The following LARGE1 variants were observed in gnomAD, a reference collection of about 807,000 sequenced individuals.
The protein encoded by LARGE1 is xylosyl- and glucuronyltransferase LARGE1.
LARGE1 carries 43 observed loss-of-function variants against 87.6 expected under a neutral mutation model. That is an observed-to-expected ratio of 0.49 (90% CI 0.38 to 0.63). The LOEUF (loss-of-function observed/expected upper bound fraction) is 0.63, where lower values mean the gene tolerates loss of function less well. Among genes scored for constraint, LARGE1 ranks in the 30% least tolerant of loss-of-function variants. The pLI is 0.00. For missense variants in LARGE1, 802 were observed against 1,000.2 expected (o/e 0.80, Z 2.67); for synonymous variants, 434 against 394.6 (o/e 1.10, Z -1.18).
rs1936136149 is a variant in LARGE1 at position 33,316,184 on chromosome 22, A to C, written c.1352T>G (p.Phe451Cys). Residue 451 changes from phenylalanine (F) to cysteine (C), a missense_variant, in exon 11 of 15, where the codon TTC becomes TGC. Transcript: ENST00000397394. The stretch of plus-strand genomic sequence containing the variant: ...GTACAGGTGGGTGCGGTGGACAGTG[A>C]AGCGCTCTCGCCGGAACTCATAGCA... Reference protein sequence around the residue: ...DLCYEFRRERFTVHRTHLYFL... With the variant: ...DLCYEFRRERCTVHRTHLYFL... 6.2e-7 allele frequency: 1 copy of C among 1,614,076 alleles called. No individual in the cohort carries two copies. The highest frequency in any genetic ancestry group is 2.2e-5 in the East Asian group (1 of 44,866).
At chr22:33,534,366 T>C (rs1389840116) in intron 6 of LARGE1, among the ~76,000 whole-genome samples, 1 of 151,460 alleles carries the variant, frequency 6.6e-6, no homozygotes, top group African/African-American at 2.4e-5. Flanking sequence ...AACACGCCAC[T>C]GCACTCCAAC....
At chr22:33,555,785 C>T (rs898180130) in intron 6 of LARGE1, among the ~76,000 whole-genome samples, 7 of 151,916 alleles carry the variant, frequency 4.6e-5, no homozygotes, top group African/African-American at 1.7e-4. Flanking sequence ...AAAAAATTAG[C>T]CGGGTGTGGT....
chr22:33,492,168 G>C (rs2069877083), intron 6 of LARGE1, among the ~76,000 whole-genome samples: 1 of 152,176 alleles, frequency 6.6e-6, no homozygotes, highest in South Asian at 2.1e-4. Context: ...TGACAGATGA[G>C]CCAATGCATC....
chr22:33,123,625 A>G, the LARGE1 span, among the ~76,000 whole-genome samples: 1 of 152,252 alleles, frequency 6.6e-6, no homozygotes, highest in African/African-American at 2.4e-5. Context: ...AATGGGTAGT[A>G]GAATGACGAG....
At chr22:33,358,566 T>C (rs2064265026) in intron 9 of LARGE1, among the ~76,000 whole-genome samples, 1 of 152,196 alleles carries the variant, frequency 6.6e-6, no homozygotes, top group Non-Finnish European at 1.5e-5. Flanking sequence ...TAAGAAGATA[T>C]ATCATTTCCT....
At chr22:33,810,810 G>A (rs538146813) in intron 1 of LARGE1, among the ~76,000 whole-genome samples, 1 of 151,372 alleles carries the variant, frequency 6.6e-6, no homozygotes, top group Non-Finnish European at 1.5e-5. Flanking sequence ...TGCAACTTCC[G>A]CCTCCCGGGT....
intron 10 of LARGE1, among the ~76,000 whole-genome samples, chr22:33,333,530 G>T (rs1468973682): frequency 1.3e-5 from 2 of 152,100 alleles, no homozygotes; most frequent in Non-Finnish European, 2.9e-5. Context: ...CCTGTGCTCT[G>T]GTACATGAAC....
At chr22:33,764,933 A>G (rs956995977) in intron 1 of LARGE1, among the ~76,000 whole-genome samples, 1 of 152,202 alleles carries the variant, frequency 6.6e-6, no homozygotes, top group African/African-American at 2.4e-5. Flanking sequence ...AGTTGGTTGA[A>G]TCTGTGAATG....
rs1240720250 is a variant in LARGE1 at position 33,805,749 on chromosome 22, AAGTAAATAAATG to A, written c.-82-44203_-82-44192del. 8.8e-3 allele frequency among the ~76,000 whole-genome samples: 413 copies of A among 47,006 alleles called. 2 individuals are homozygous for A. Among genetic ancestry groups the A allele is most frequent in the Middle Eastern group, 0.019 (2 of 108 alleles). The allele number at this position is 47,006 out of a possible 152,430, so 30.8% of individuals were successfully genotyped here. On this transcript the variant is annotated intron_variant, in intron 1 of 14. Transcript: ENST00000397394. ...ACTCTGTCTCAAAAAATAAATAAAT[AAGTAAATAAATG>A]AATAAATAAATAAATAAATAAATAA... is the stretch of plus-strand genomic sequence containing the variant.
chr22:33,335,226 A>G, intron 10 of LARGE1, among the ~76,000 whole-genome samples: 1 of 152,248 alleles, frequency 6.6e-6, no homozygotes, highest in East Asian at 1.9e-4. Context: ...AAGAGAACTG[A>G]AGGAAAAACT....
intron 1 of LARGE1, among the ~76,000 whole-genome samples, chr22:33,827,117 C>T (rs1226297268): frequency 6.6e-6 from 1 of 151,934 alleles, no homozygotes; most frequent in East Asian, 1.9e-4. Flanking sequence ...AATCCCAGCA[C>T]TTTGGGAGGC....
intron 1 of LARGE1, among the ~76,000 whole-genome samples, chr22:33,854,440 C>T (rs2063699705): frequency 6.6e-6 from 1 of 152,094 alleles, no homozygotes; most frequent in Admixed American, 6.5e-5. Context: ...TCACCATCGG[C>T]TCACATCAGC....
intron 11 of LARGE1, among the ~76,000 whole-genome samples, chr22:33,216,618 G>T (rs1344455206): frequency 6.7e-6 from 1 of 148,954 alleles, no homozygotes; most frequent in African/African-American, 2.5e-5. Flanking sequence ...AAAAAGAAAA[G>T]AAAAGAAAAT....
At chr22:33,403,142 C>A (rs9609779) in intron 7 of LARGE1, among the ~76,000 whole-genome samples, 48,211 of 151,960 alleles carry the variant, frequency 0.32, 8,491 homozygotes, top group African/African-American at 0.47. Flanking sequence ...CTTTGTGGCA[C>A]CAAACTCTGA....
chr22:33,214,372 C>G (rs553740031), intron 11 of LARGE1, among the ~76,000 whole-genome samples: 53 of 152,112 alleles, frequency 3.5e-4, no homozygotes, highest in African/African-American at 1.2e-3. Flanking sequence ...CTAATCTTAA[C>G]TTAATTGCCC....
At position 33,550,199 on chromosome 22, in the gene LARGE1, A is replaced by G. The variant is rs550969305; in HGVS notation, c.787+14649T>C. ...CACATATATATATATGTATGTATGT[A>G]TATATATATAGAAGTTGTGGAAGGT... On this transcript the variant is annotated intron_variant, in intron 6 of 14. Coordinates refer to ENST00000397394, the MANE Select transcript of LARGE1 (RefSeq NM_133642.5). Among the ~76,000 whole-genome samples the G allele has an allele frequency of 2.5e-4, 38 of 151,788 alleles. 2 individuals carry two copies. The South Asian group carries it at 2.7e-3, about 11-fold the overall frequency.
chr22:33,914,206 C>T (rs1183750581), intron 1 of LARGE1, among the ~76,000 whole-genome samples: 1 of 152,190 alleles, frequency 6.6e-6, no homozygotes, highest in Non-Finnish European at 1.5e-5. Flanking sequence ...TAGCAACTCA[C>T]ACATTTGGAG....
chr22:33,280,560 T>C (rs1569008180), intron 13 of LARGE1, among the ~76,000 whole-genome samples: 1 of 152,164 alleles, frequency 6.6e-6, no homozygotes, highest in Non-Finnish European at 1.5e-5. Context: ...GTTCTAGTCA[T>C]CTGGCTGAGG....
At chr22:33,268,911 T>A (rs1928099991), downstream of LARGE1, among the ~76,000 whole-genome samples, 1 of 152,190 alleles carries the variant, frequency 6.6e-6, no homozygotes, top group Admixed American at 6.5e-5. Context: ...CTACTTGCCA[T>A]AAAATTTTGT....
Sources: gnomAD v4.1 joint callset for allele counts (sites outside exome capture counted in the v4.1 genomes callset) on GRCh38, gnomAD v4.1.1 for gene constraint, MANE v1.5 for transcripts, NCBI Gene and HGNC (gene_info 2026-07-23, HGNC 2026-07-21) for gene names.